CAPS2: variants seen among roughly 807,000 people sequenced by gnomAD.
CAPS2 encodes calcyphosin-2.
CAPS2 carries 98 observed loss-of-function variants against 86.5 expected under a neutral mutation model. The ratio of observed to expected loss-of-function variants is 1.13; its 90% confidence interval spans 0.96 to 1.34. The LOEUF (loss-of-function observed/expected upper bound fraction) is 1.34. Ranked by LOEUF, CAPS2 falls within the 40% of genes most tolerant of loss-of-function variation. The probability of loss-of-function intolerance (pLI) is 0.00; values close to 1 mark genes in which losing one functional copy is unlikely to be tolerated. For missense variants in CAPS2, 729 were observed against 686.8 expected, an observed-to-expected ratio of 1.06 and a Z score of -0.69; for synonymous variants, 210 against 225.1, an observed-to-expected ratio of 0.93 and a Z score of 0.60.
intron 1 of CAPS2, among the ~76,000 whole-genome samples, chr12:75,386,582 C>T (rs137912050): frequency 6.6e-6 from 1 of 152,290 alleles, no homozygotes; most frequent in Non-Finnish European, 1.5e-5. Flanking sequence ...ACCCAATCAC[C>T]TCTTAAAGAT....
At chr12:75,315,465 T>C (rs2039660766) in intron 6 of CAPS2, among the ~76,000 whole-genome samples, 1 of 152,164 alleles carries the variant, frequency 6.6e-6, no homozygotes. Flanking sequence ...AATTTGCAAC[T>C]TGGGACATCC....
At chr12:75,325,895 T>C (rs2040733818) in intron 1 of CAPS2, among the ~76,000 whole-genome samples, 1 of 152,044 alleles carries the variant, frequency 6.6e-6, no homozygotes, top group African/African-American at 2.4e-5. Flanking sequence ...AGTGAAGGGT[T>C]TGACAAAGAA....
intron 7 of CAPS2, among the ~76,000 whole-genome samples, chr12:75,310,527 G>A (rs1043374391): frequency 3.9e-5 from 6 of 152,158 alleles, no homozygotes; most frequent in African/African-American, 1.4e-4. Flanking sequence ...GTAAGAGGGA[G>A]AGAAGTCCAA....
rs116272315 is a variant in CAPS2 at position 75,339,832 on chromosome 12, G to C, written c.-394-16610C>G. Among the ~76,000 whole-genome samples the C allele has an allele frequency of 2.0e-3, 309 of 152,026 alleles. 5 individuals are homozygous for C. Among genetic ancestry groups the C allele is most frequent in the African/African-American group, 7.3e-3 (304 of 41,514 alleles). On this transcript the variant is annotated intron_variant, in intron 1 of 5. Coordinates refer to the CAPS2 transcript ENST00000551829. ...GCTAGCCAGTTCTCCCAGCGGAAAA[G>C]TTATTTACTGGTGATTTCTGAGATT... is the stretch of plus-strand genomic sequence containing the variant.
At chr12:75,310,681 G>C (rs1459047105) in intron 7 of CAPS2, among the ~76,000 whole-genome samples, 1 of 151,948 alleles carries the variant, frequency 6.6e-6, no homozygotes, top group Non-Finnish European at 1.5e-5. Context: ...GACTTGCTTT[G>C]GTCAGTTACA....
At chr12:75,334,333 A>T, upstream of CAPS2, 1 of 243,812 alleles carries the variant, frequency 4.1e-6, no homozygotes, top group Non-Finnish European at 6.9e-6. Context: ...ACGAATATAT[A>T]GTGCTTTGCA....
chr12:75,360,898 A>G (rs903663298), intron 1 of CAPS2: 15 of 152,252 alleles, frequency 9.9e-5, no homozygotes, highest in African/African-American at 3.4e-4. Flanking sequence ...GAGGTTTCCA[A>G]TCTTCAATTC....
chr12:75,312,932 A>G lies in CAPS2; in HGVS notation c.592-17T>C, dbSNP rs2039383737. 3 of 1,534,488 alleles carry G rather than the reference A, an allele frequency of 2.0e-6. No individual in the cohort carries two copies. In the African/African-American group the frequency reaches 4.1e-5, roughly 21 times the overall value. Reference sequence around the variant, plus strand: ...CACAATTTCCTGGGAAGATTAAATAAAGACAACTTCACCATCCATAAAGCA... The same window carrying G: ...CACAATTTCCTGGGAAGATTAAATAGAGACAACTTCACCATCCATAAAGCA... On this transcript the variant is annotated splice_polypyrimidine_tract_variant and intron_variant, in intron 6 of 16. Coordinates refer to ENST00000393284, the Ensembl canonical transcript of CAPS2.
intron 7 of CAPS2, chr12:75,306,414 G>C (rs1593407190): frequency 8.1e-6 from 3 of 372,460 alleles, no homozygotes; most frequent in South Asian, 3.3e-5. Flanking sequence ...GCCTGTGGAA[G>C]GGTGGGGGTG....
chr12:75,301,092 A>T (rs2037759330), intron 8 of CAPS2, among the ~76,000 whole-genome samples: 1 of 152,216 alleles, frequency 6.6e-6, no homozygotes, highest in South Asian at 2.1e-4. Context: ...TTAACAATAT[A>T]AAGCAAAACC....
intron 1 of CAPS2, among the ~76,000 whole-genome samples, chr12:75,338,416 C>T (rs1382191040): frequency 2.0e-5 from 3 of 152,120 alleles, no homozygotes; most frequent in African/African-American, 7.2e-5. Flanking sequence ...CAGTCTGCCA[C>T]TCTTCATAGA....
intron 1 of CAPS2, among the ~76,000 whole-genome samples, chr12:75,377,650 T>C (rs1218428426): frequency 2.0e-5 from 3 of 152,128 alleles, no homozygotes; most frequent in Non-Finnish European, 4.4e-5. Context: ...CACCTTCTCC[T>C]GCCTGCTTTA....
At chr12:75,316,772 AATT>A (rs2039814846) in intron 5 of CAPS2, among the ~76,000 whole-genome samples, 1 of 152,122 alleles carries the variant, frequency 6.6e-6, no homozygotes, top group African/African-American at 2.4e-5. Flanking sequence ...CAGCTATTAT[AATT>A]ATTATTGTCC....
At chr12:75,326,489 C>G (rs1317981455) in exon 1 of CAPS2, 1 of 1,541,930 alleles carries the variant, frequency 6.5e-7, no homozygotes, top group African/African-American at 1.4e-5. Flanking sequence ...CCTTTAACCT[C>G]TAAATCCATT....
chr12:75,334,816 G>A, upstream of CAPS2: 1 of 1,614,064 alleles, frequency 6.2e-7, no homozygotes, highest in East Asian at 2.2e-5. Flanking sequence ...ATCCATCACT[G>A]ACCCACACTT....
intron 14 of CAPS2, among the ~76,000 whole-genome samples, chr12:75,289,412 A>G (rs2035461222): frequency 6.6e-6 from 1 of 152,218 alleles, no homozygotes; most frequent in Admixed American, 6.6e-5. Context: ...GCTTAGCACA[A>G]TGCCTGGTTA....
chr12:75,377,428 A>G (rs2044706596), intron 1 of CAPS2, among the ~76,000 whole-genome samples: 2 of 152,210 alleles, frequency 1.3e-5, no homozygotes, highest in Non-Finnish European at 2.9e-5. Context: ...GGAAGCCAGC[A>G]GTGGCTCAGC....
intron 1 of CAPS2, chr12:75,373,367 T>C (rs1471042801): frequency 6.6e-6 from 1 of 152,198 alleles, no homozygotes; most frequent in East Asian, 1.9e-4. Context: ...GAGATACATA[T>C]ATCTTCAGTT....
At chr12:75,337,126 T>C (rs2041789250) in intron 1 of CAPS2, among the ~76,000 whole-genome samples, 1 of 151,852 alleles carries the variant, frequency 6.6e-6, no homozygotes, top group Admixed American at 6.6e-5. Context: ...AGCATACGTA[T>C]AGATTTAAAT....
Sources: allele counts gnomAD v4.1 joint callset (sites outside exome capture counted in the v4.1 genomes callset), GRCh38; gene constraint gnomAD v4.1.1; transcripts MANE v1.5; gene names NCBI Gene and HGNC (gene_info 2026-07-23, HGNC 2026-07-21).